Variants in ANKRD36C observed in about 807,000 individuals in gnomAD.
ANKRD36C encodes ankyrin repeat domain-containing protein 36C.
In ANKRD36C, 61 loss-of-function variants were observed where a neutral mutation model predicts 276.4. The ratio of observed to expected loss-of-function variants is 0.22; its 90% CI spans 0.18 to 0.27. The LOEUF (loss-of-function observed/expected upper bound fraction) is 0.27. Ranked by LOEUF, ANKRD36C falls within the 10% of genes least tolerant of loss-of-function variation. The pLI is 1.00. For synonymous variants in ANKRD36C, 483 were observed against 680.1 expected (o/e 0.71, Z 4.51); for missense variants, 1,447 against 2,032.3 (o/e 0.71, Z 5.54).
intron 54 of ANKRD36C, 27 bp from the exon 75 acceptor site, chr2:95,882,524 C>T: frequency 1.9e-6 from 3 of 1,550,216 alleles, no homozygotes; most frequent in East Asian, 2.4e-5. Context: ...ATATATAATC[C>T]ATCATATGTA....
intron 26 of ANKRD36C, among the ~76,000 whole-genome samples, chr2:95,928,126 C>G (rs1231821826): frequency 6.6e-6 from 1 of 151,620 alleles, no homozygotes; most frequent in African/African-American, 2.4e-5. Context: ...CAAAGTAAAA[C>G]TGCTACAAGC....
intron 56 of ANKRD36C, 41 bp downstream of exon 76, chr2:95,882,261 T>C: frequency 6.5e-7 from 1 of 1,547,360 alleles, no homozygotes; most frequent in Non-Finnish European, 8.7e-7. Flanking sequence ...TTGTCTTCTA[T>C]CTTGAGTGCA....
chr2:95,893,144 G>C (rs1343504014), intron 44 of ANKRD36C, among the ~76,000 whole-genome samples: 1 of 151,286 alleles, frequency 6.6e-6, no homozygotes, highest in Non-Finnish European at 1.5e-5. Context: ...AGTGTGTACG[G>C]GTTATTACAA....
At position 95,969,749 on chromosome 2, in the gene ANKRD36C, T is replaced by C. The variant is rs1224620750; in HGVS notation, c.800-7202A>G. ...CCTCACTTATCACATAGCCATTTTA[T>C]CATCTCACATCAGTGCAGAAAGTAG... On this transcript the variant is annotated intron_variant, in intron 6 of 66. Coordinates refer to ENST00000456556, the Ensembl canonical transcript of ANKRD36C. 2.0e-5 allele frequency among the ~76,000 whole-genome samples: 3 copies of C among 152,286 alleles called. No individual in the cohort carries two copies. The South Asian group carries it at 6.2e-4, about 32-fold the overall frequency.
chr2:95,948,891 C>G (rs1310494602), intron 16 of ANKRD36C, among the ~76,000 whole-genome samples: 1 of 152,082 alleles, frequency 6.6e-6, no homozygotes, highest in African/African-American at 2.4e-5. Context: ...AATGGCACAG[C>G]CAGACAATAA....
At chr2:95,988,242 T>A (rs1234794359) in intron 1 of ANKRD36C, among the ~76,000 whole-genome samples, 3 of 151,858 alleles carry the variant, frequency 2.0e-5, no homozygotes, top group African/African-American at 7.3e-5. Flanking sequence ...AGGATTCAAA[T>A]GAATAGGTAT....
At chr2:95,878,276 T>C (rs1348274124) in intron 58 of ANKRD36C, among the ~76,000 whole-genome samples, 2 of 151,996 alleles carry the variant, frequency 1.3e-5, no homozygotes, top group African/African-American at 4.8e-5. Context: ...ATTAATAACA[T>C]TTTATACTTC....
chr2:95,913,495 A>G (rs1676995920), intron 40 of ANKRD36C, among the ~76,000 whole-genome samples: 1 of 151,450 alleles, frequency 6.6e-6, no homozygotes, highest in Non-Finnish European at 1.5e-5. Flanking sequence ...CAATTATACC[A>G]TTGTTTCCTG....
intron 42 of ANKRD36C, among the ~76,000 whole-genome samples, chr2:95,911,993 C>T (rs1164523610): frequency 4.0e-5 from 6 of 151,436 alleles, no homozygotes; most frequent in Admixed American, 3.9e-4. Context: ...TACCCCAGAG[C>T]CCCTTATGTC....
At chr2:95,855,977 C>G (rs556337988) in exon 63 of ANKRD36C, 5 of 1,612,856 alleles carry the variant, frequency 3.1e-6, no homozygotes, top group Non-Finnish European at 4.2e-6. Flanking sequence ...AACAGGCTAT[C>G]GTTTCTGCTA....
At chr2:95,938,429 G>A (rs116595726) in intron 22 of ANKRD36C, among the ~76,000 whole-genome samples, 2,615 of 151,428 alleles carry the variant, frequency 0.017, 40 homozygotes, top group Non-Finnish European at 0.023. Context: ...TAACAACACT[G>A]ACATAAAGTC....
At chr2:95,857,564 T>C in intron 61 of ANKRD36C, 72 bp from the exon 82 acceptor site, 1 of 1,463,762 alleles carries the variant, frequency 6.8e-7, no homozygotes, top group Non-Finnish European at 9.1e-7. Context: ...CTTACCCAAA[T>C]TCCTACCTAA....
At chr2:95,926,130 C>A (rs1310816312) in intron 28 of ANKRD36C, among the ~76,000 whole-genome samples, 1 of 151,512 alleles carries the variant, frequency 6.6e-6, no homozygotes, top group East Asian at 1.9e-4. Flanking sequence ...TTTCTCAAAC[C>A]CATGTGGTGT....
intron 50 of ANKRD36C, 98 bp from the exon 71 acceptor site, chr2:95,886,342 G>A: frequency 9.7e-7 from 1 of 1,035,772 alleles, no homozygotes. Context: ...TCTGTCTGCA[G>A]TTATTAGTGT....
chr2:95,929,049 T>A lies in ANKRD36C; in HGVS notation c.1837+23A>T, dbSNP rs748160284. The A allele has an allele frequency of 5.0e-6, 8 of 1,601,402 alleles. No homozygotes were observed. In the South Asian group the frequency reaches 8.8e-5, roughly 18 times the overall value. Reference sequence around the variant, plus strand: ...TCTTCCATCTTGATTGAACATGACATTAGAAGTGTTTTGCAAAATTACCTG... The same window carrying A: ...TCTTCCATCTTGATTGAACATGACAATAGAAGTGTTTTGCAAAATTACCTG... On this transcript the variant is annotated intron_variant, in intron 26 of 66. Coordinates refer to ENST00000456556, the Ensembl canonical transcript of ANKRD36C.
At chr2:95,854,451 G>C (rs1375452227) in intron 63 of ANKRD36C, among the ~76,000 whole-genome samples, 1 of 152,038 alleles carries the variant, frequency 6.6e-6, no homozygotes, top group Non-Finnish European at 1.5e-5. Context: ...ATCCTCCTTA[G>C]TCTGAGAATG....
chr2:95,916,514 A>T (rs1165910061), intron 36 of ANKRD36C, among the ~76,000 whole-genome samples: 7 of 151,702 alleles, frequency 4.6e-5, no homozygotes, highest in African/African-American at 1.7e-4. Context: ...AATCAACGTC[A>T]AAACAGGTGC....
At chr2:95,865,566 G>A (rs1051957695) in intron 60 of ANKRD36C, among the ~76,000 whole-genome samples, 2 of 152,028 alleles carry the variant, frequency 1.3e-5, no homozygotes, top group African/African-American at 4.8e-5. Context: ...TACATGATGA[G>A]ATATCTTGGG....
At chr2:95,966,473 C>T (rs374110488) in intron 6 of ANKRD36C, among the ~76,000 whole-genome samples, 2 of 151,926 alleles carry the variant, frequency 1.3e-5, no homozygotes, top group African/African-American at 2.4e-5. Context: ...CAGATGGTGT[C>T]GATGTATGGC....
Sources: gnomAD v4.1 joint callset for allele counts (sites outside exome capture counted in the v4.1 genomes callset) on GRCh38, gnomAD v4.1.1 for gene constraint, MANE v1.5 for transcripts, NCBI Gene and HGNC (gene_info 2026-07-23, HGNC 2026-07-21) for gene names.